CPQ: variants seen among roughly 807,000 people sequenced by gnomAD.
The protein encoded by CPQ is carboxypeptidase Q, also known as Ser-Met dipeptidase.
In CPQ, 37 loss-of-function variants were observed where a neutral mutation model predicts 45.7. That is an observed-to-expected ratio of 0.81 (90% CI 0.62 to 1.07). The LOEUF (loss-of-function observed/expected upper bound fraction) is 1.07, where lower values mean the gene tolerates loss of function less well. CPQ is among the 50% of genes least tolerant of loss of function. CPQ has a pLI of 0.00. For missense variants in CPQ, 537 were observed against 572.9 expected (o/e 0.94, Z 0.64); for synonymous variants, 186 against 205.8 (o/e 0.90, Z 0.82).
intron 1 of CPQ, among the ~76,000 whole-genome samples, chr8:96,697,353 A>G (rs575056643): frequency 5.5e-4 from 83 of 152,186 alleles, no homozygotes; most frequent in Non-Finnish European, 1.1e-3. Flanking sequence ...GAAAAACTGG[A>G]TATAGAATGA....
At chr8:96,840,377 G>T (rs1429834140) in intron 3 of CPQ, among the ~76,000 whole-genome samples, 8 of 152,100 alleles carry the variant, frequency 5.3e-5, no homozygotes. Flanking sequence ...GGAGAACCAT[G>T]GAATGTGTTA....
intron 7 of CPQ, among the ~76,000 whole-genome samples, chr8:97,132,434 C>G (rs1036074692): frequency 2.6e-5 from 4 of 152,152 alleles, no homozygotes; most frequent in Non-Finnish European, 4.4e-5. Context: ...TGTAATACTT[C>G]CCACTTTTCT....
chr8:96,741,346 CTGTT>C (rs1466550560), intron 1 of CPQ, among the ~76,000 whole-genome samples: 1 of 152,084 alleles, frequency 6.6e-6, no homozygotes, highest in African/African-American at 2.4e-5. Context: ...TTTATTGCGT[CTGTT>C]TGATTCTTCT....
At chr8:97,033,571 G>A (rs1363477806) in intron 6 of CPQ, among the ~76,000 whole-genome samples, 2 of 150,916 alleles carry the variant, frequency 1.3e-5, no homozygotes, top group East Asian at 1.9e-4. Context: ...ATTAGCCTAT[G>A]TAAGTATATT....
intron 4 of CPQ, among the ~76,000 whole-genome samples, chr8:96,937,088 A>G (rs915921638): frequency 3.9e-5 from 6 of 151,984 alleles, no homozygotes; most frequent in Non-Finnish European, 8.8e-5. Flanking sequence ...TGAGAGATGC[A>G]TAAGGCTTAG....
chr8:96,679,181 A>G (rs1809115642), intron 1 of CPQ, among the ~76,000 whole-genome samples: 1 of 152,150 alleles, frequency 6.6e-6, no homozygotes, highest in East Asian at 1.9e-4. Context: ...GAGATGATTC[A>G]TATGGTCTTT....
chr8:96,784,390 G>A (rs910291329), intron 1 of CPQ, among the ~76,000 whole-genome samples: 40 of 142,866 alleles, frequency 2.8e-4, no homozygotes, highest in Non-Finnish European at 5.1e-4. Context: ...AGCAATTATT[G>A]TTCTGAGGTG....
chr8:96,957,354 A>G (rs1332464631), intron 4 of CPQ, among the ~76,000 whole-genome samples: 3 of 152,190 alleles, frequency 2.0e-5, no homozygotes, highest in Non-Finnish European at 4.4e-5. Context: ...TTTAGAAACC[A>G]TTAGGGGCCA....
chr8:96,670,664 A>G (rs1254955868), intron 1 of CPQ, among the ~76,000 whole-genome samples: 1 of 152,208 alleles, frequency 6.6e-6, no homozygotes, highest in Non-Finnish European at 1.5e-5. Context: ...ACAAACTGTG[A>G]TATATCCATA....
chr8:96,933,425 G>T (rs925419678), intron 4 of CPQ, among the ~76,000 whole-genome samples: 1 of 152,156 alleles, frequency 6.6e-6, no homozygotes, highest in Non-Finnish European at 1.5e-5. Context: ...ATCAGCAGTA[G>T]CTTCTTGTGG....
At chr8:97,029,124 G>A (rs1014150974) in intron 5 of CPQ, among the ~76,000 whole-genome samples, 1 of 152,100 alleles carries the variant, frequency 6.6e-6, no homozygotes, top group African/African-American at 2.4e-5. Flanking sequence ...GTTCTGCTGG[G>A]CAGGATATCA....
At chr8:96,926,681 T>C (rs1812895566) in intron 4 of CPQ, among the ~76,000 whole-genome samples, 1 of 151,466 alleles carries the variant, frequency 6.6e-6, no homozygotes, top group Admixed American at 6.6e-5. Flanking sequence ...CTTCTTCTTC[T>C]TCTCTTTTTA....
At chr8:96,769,171 A>C (rs969992742) in intron 1 of CPQ, among the ~76,000 whole-genome samples, 4 of 152,140 alleles carry the variant, frequency 2.6e-5, no homozygotes, top group African/African-American at 9.7e-5. Context: ...TCGAAGACAA[A>C]TGCTTCACTG....
chr8:96,716,292 C>A (rs1182373112), intron 1 of CPQ, among the ~76,000 whole-genome samples: 10 of 152,018 alleles, frequency 6.6e-5, no homozygotes, highest in Non-Finnish European at 1.3e-4. Context: ...TTTCCATGAG[C>A]AAATATACAG....
chr8:96,850,730 C>T (rs974492087), intron 3 of CPQ, among the ~76,000 whole-genome samples: 1 of 151,966 alleles, frequency 6.6e-6, no homozygotes. Flanking sequence ...CTGCCTCAAC[C>T]TCCCTAGTAG....
At chr8:96,742,375 C>A (rs1461082005) in intron 1 of CPQ, among the ~76,000 whole-genome samples, 2 of 152,100 alleles carry the variant, frequency 1.3e-5, no homozygotes, top group African/African-American at 4.8e-5. Context: ...GTGTCTCTGT[C>A]CATGAGATGG....
intron 5 of CPQ, among the ~76,000 whole-genome samples, chr8:97,024,247 C>G (rs1246542774): frequency 6.6e-6 from 1 of 152,084 alleles, no homozygotes; most frequent in Non-Finnish European, 1.5e-5. Context: ...ATCTCTCATC[C>G]CCGGCCTCCA....
At chr8:96,695,561 C>T (rs571353980) in intron 1 of CPQ, among the ~76,000 whole-genome samples, 8 of 152,088 alleles carry the variant, frequency 5.3e-5, no homozygotes, top group Non-Finnish European at 1.2e-4. Flanking sequence ...GGCTAACATC[C>T]AGAATCTACA....
intron 4 of CPQ, among the ~76,000 whole-genome samples, chr8:96,928,320 C>T (rs183169590): frequency 3.2e-3 from 479 of 151,296 alleles, no homozygotes; most frequent in South Asian, 5.0e-3. Flanking sequence ...ATAAATCAAA[C>T]GTCAGGAAAT....
Sources: gnomAD v4.1 joint callset for allele counts (sites outside exome capture counted in the v4.1 genomes callset) on GRCh38, gnomAD v4.1.1 for gene constraint, MANE v1.5 for transcripts, NCBI Gene and HGNC (gene_info 2026-07-23, HGNC 2026-07-21) for gene names.